The following RPRD2 variants were observed in gnomAD, a reference collection of about 807,000 sequenced individuals.
RPRD2 encodes regulation of nuclear pre-mRNA domain containing 2.
In RPRD2, 12 loss-of-function variants were observed where a neutral mutation model predicts 104.4. The ratio of observed to expected loss-of-function variants is 0.11; its 90% confidence interval spans 0.07 to 0.19. The LOEUF (loss-of-function observed/expected upper bound fraction) is 0.19. RPRD2 is among the 10% of genes least tolerant of loss of function. The probability of loss-of-function intolerance (pLI) is 1.00; values close to 1 mark genes in which losing one functional copy is unlikely to be tolerated. For missense variants in RPRD2, 1,543 were observed against 1,790.1 expected (o/e 0.86, Z 2.49); for synonymous variants, 714 against 684.9 (o/e 1.04, Z -0.66).
In RPRD2 at chr1:150,473,433, T is replaced by G; in HGVS notation, c.*99T>G. The G allele has an allele frequency of 8.2e-7, 1 of 1,224,846 alleles. No homozygotes were observed. Among genetic ancestry groups the G allele is most frequent in the Non-Finnish European group, 1.1e-6 (1 of 895,050 alleles). The allele number at this position is 1,224,846 out of a possible 1,614,324, so 75.9% of individuals were successfully genotyped here. ...TTTTATTTGTTTTCTCTTTCTCGAT[T>G]TTTTTTTTATTATAACAAAGGGCCT... is the stretch of plus-strand genomic sequence containing the variant. On this transcript the variant is annotated 3_prime_UTR_variant, in exon 11 of 11. Coordinates refer to ENST00000369068, the MANE Select transcript of RPRD2 (RefSeq NM_015203.5).
At chr1:150,439,869 G>GTT (rs149319756) in intron 2 of RPRD2, among the ~76,000 whole-genome samples, 28 of 151,896 alleles carry the variant, frequency 1.8e-4, no homozygotes, top group Non-Finnish European at 3.2e-4. Context: ...TTCCTGCATT[G>GTT]TTTTTTATTT....
chr1:150,421,202 G>A (rs1162714142), intron 2 of RPRD2, among the ~76,000 whole-genome samples: 1 of 152,164 alleles, frequency 6.6e-6, no homozygotes, highest in Admixed American at 6.5e-5. Flanking sequence ...TACAAAATCA[G>A]TAGCTTTCCT....
rs1570814057 is a variant in RPRD2 at position 150,474,214 on chromosome 1, C to T, written c.*880C>T. ...CAGTCACTACAGTTGACTATTGATA[C>T]AAAGGTGCAACAGAAATATTATCCC... On this transcript the variant is annotated 3_prime_UTR_variant, in exon 11 of 11. Coordinates refer to ENST00000369068, the MANE Select transcript of RPRD2 (RefSeq NM_015203.5). 1 of 152,126 alleles carries T rather than the reference C, an allele frequency of 6.6e-6. No individual in the cohort carries two copies. Among genetic ancestry groups the T allele is most frequent in the Non-Finnish European group, 1.5e-5 (1 of 68,024 alleles). The allele number at this position is 152,126 out of a possible 1,614,324, so 9.4% of individuals were successfully genotyped here.
chr1:150,453,943 C>A (rs1459201703), intron 7 of RPRD2, among the ~76,000 whole-genome samples: 2 of 152,172 alleles, frequency 1.3e-5, no homozygotes, highest in African/African-American at 4.8e-5. Context: ...CCTTGTTCCA[C>A]CTCTGGTTCA....
intron 1 of RPRD2, among the ~76,000 whole-genome samples, chr1:150,373,948 C>T (rs1553879006): frequency 6.6e-6 from 1 of 152,150 alleles, no homozygotes; most frequent in Admixed American, 6.6e-5. Context: ...TATTTGGTCT[C>T]TGTCCCATTT....
intron 5 of RPRD2, among the ~76,000 whole-genome samples, chr1:150,443,833 G>A (rs1179574542): frequency 1.4e-5 from 2 of 146,074 alleles, no homozygotes; most frequent in African/African-American, 5.1e-5. Context: ...GTGAAACCCC[G>A]TCTCTACTAA....
chr1:150,456,883 C>A (rs747784690), intron 7 of RPRD2, among the ~76,000 whole-genome samples: 7 of 151,358 alleles, frequency 4.6e-5, no homozygotes, highest in Non-Finnish European at 1.0e-4. Context: ...TATGATCATG[C>A]CACTGCACTG....
chr1:150,419,976 G>A (rs1664646558), intron 2 of RPRD2, among the ~76,000 whole-genome samples: 1 of 152,136 alleles, frequency 6.6e-6, no homozygotes, highest in Non-Finnish European at 1.5e-5. Context: ...GGAGAGATTA[G>A]GTAAATTGCC....
chr1:150,408,390 G>T (rs1424698717), intron 1 of RPRD2, among the ~76,000 whole-genome samples: 3 of 152,052 alleles, frequency 2.0e-5, no homozygotes, highest in Middle Eastern at 3.4e-3. Flanking sequence ...CTGACCTCAG[G>T]TGATCTATCC....
chr1:150,419,721 A>C (rs1320307694), intron 2 of RPRD2, among the ~76,000 whole-genome samples: 1 of 152,124 alleles, frequency 6.6e-6, no homozygotes, highest in Admixed American at 6.6e-5. Context: ...TCCTGGGTTC[A>C]AGCAATTAGG....
chr1:150,388,612 T>A (rs963098041), intron 1 of RPRD2, among the ~76,000 whole-genome samples: 6 of 144,184 alleles, frequency 4.2e-5, no homozygotes, highest in African/African-American at 1.4e-4. Flanking sequence ...AATATTGATA[T>A]GTAATTTTTT....
chr1:150,380,806 T>A (rs1160594224), intron 1 of RPRD2, among the ~76,000 whole-genome samples: 1 of 151,998 alleles, frequency 6.6e-6, no homozygotes, highest in Non-Finnish European at 1.5e-5. Context: ...AGGTGCTCGC[T>A]ACCACGTCCA....
rs373089873 is a variant in RPRD2, at chr1:150,472,474, G to C, written c.3526G>C (p.Glu1176Gln). ...CAAGGAACGGGCACCTCAATTTCAG[G>C]AGAGTGTCGGCAGCTTTCGTTCCAA... is the stretch of plus-strand genomic sequence containing the variant. Reference protein sequence around the residue: ...PYKERAPQFQESVGSFRSNSF... With the variant: ...PYKERAPQFQQSVGSFRSNSF... Residue 1176 changes from glutamate to glutamine, a missense_variant, in exon 11 of 11, where the codon GAG (glutamate) becomes CAG (glutamine). By Grantham distance (29) the Glu-to-Gln change is conservative (BLOSUM62 2). Transcript: ENST00000369068. 9 of 1,613,946 alleles carry C rather than the reference G, an allele frequency of 5.6e-6. No individual in the cohort carries two copies. Among genetic ancestry groups the C allele is most frequent in the Non-Finnish European group, 7.6e-6 (9 of 1,179,880 alleles).
chr1:150,460,420 T>C, intron 9 of RPRD2, 103 bp downstream of exon 9: 1 of 1,053,856 alleles, frequency 9.5e-7, no homozygotes, highest in East Asian at 2.7e-5. Context: ...GTTGTTGTTG[T>C]TTAGACAGAG....
chr1:150,377,067 T>A (rs1462731373), intron 1 of RPRD2, among the ~76,000 whole-genome samples: 2 of 150,998 alleles, frequency 1.3e-5, no homozygotes, highest in Non-Finnish European at 3.0e-5. Flanking sequence ...AAAAATTAGC[T>A]GAGCGTGGTG....
intron 7 of RPRD2, among the ~76,000 whole-genome samples, chr1:150,454,453 C>T (rs1202276228): frequency 6.6e-6 from 1 of 152,068 alleles, no homozygotes; most frequent in Non-Finnish European, 1.5e-5. Context: ...GTGTATCTGG[C>T]TTTTCTACTT....
At position 150,460,153 on chromosome 1, in the gene RPRD2, G is replaced by A. The variant is rs1553898506; in HGVS notation, c.1247G>A (p.Cys416Tyr). ...PTENISKASS[C>Y]TPVPVTMTAT... Reference sequence around the variant, plus strand: ...GAAAATATCTCAAAGGCCTCTTCATGTACCCCAGTGCCTGTGACCATGACA... The same window carrying A: ...GAAAATATCTCAAAGGCCTCTTCATATACCCCAGTGCCTGTGACCATGACA... Residue 416 changes from cysteine to tyrosine, a missense_variant, in exon 9 of 11, where the codon TGT becomes TAT. Cys to Tyr is a radical substitution (Grantham distance 194). Around this residue, in one of 4 missense-constraint regions of RPRD2, gnomAD observed 572 missense variants for 787.3 expected, o/e 0.73. Transcript: ENST00000369068. 1.2e-6 allele frequency: 2 copies of A among 1,613,956 alleles called. No homozygotes were observed. The highest frequency in any genetic ancestry group is 1.7e-5 in the Admixed American group (1 of 60,008).
Position 150,475,410 on chromosome 1 carries a change from T to G in RPRD2, c.*2076T>G, listed in dbSNP as rs1560235725. On this transcript the variant is annotated 3_prime_UTR_variant, in exon 11 of 11. Coordinates refer to ENST00000369068, the MANE Select transcript of RPRD2 (RefSeq NM_015203.5). ...GTAGTGTTTACTTGATAAGGCTCTC[T>G]GACCATTTAATTTTTATCAGAAAAT... 6.6e-6 allele frequency: 1 copy of G among 152,626 alleles called. No individual in the cohort carries two copies. The highest frequency in any genetic ancestry group is 1.5e-5 in the Non-Finnish European group (1 of 68,040). The allele number at this position is 152,626 out of a possible 1,614,324, so 9.5% of individuals were successfully genotyped here.
chr1:150,472,520 A>C lies in RPRD2; in HGVS notation c.3572A>C (p.Glu1191Ala). The C allele has an allele frequency of 6.2e-7, 1 of 1,613,890 alleles. No homozygotes were observed. Reference protein sequence around the residue: ...FRSNSFNSTFEHHLPPSPLEH... With the variant: ...FRSNSFNSTFAHHLPPSPLEH... ...TCCAACAGTTTCAACTCAACATTTG[A>C]GCATCATCTTCCCCCATCCCCCTTG... Residue 1191 changes from glutamate to alanine, a missense_variant, in exon 11 of 11, where the codon GAG becomes GCG. Glu to Ala is a moderately radical substitution (Grantham distance 107, BLOSUM62 -1). Coordinates refer to ENST00000369068, the MANE Select transcript of RPRD2 (RefSeq NM_015203.5).
Sources: allele counts gnomAD v4.1 joint callset (sites outside exome capture counted in the v4.1 genomes callset), GRCh38; gene constraint gnomAD v4.1.1; regional missense constraint gnomAD v4.1.1; transcripts MANE v1.5; gene names NCBI Gene and HGNC (gene_info 2026-07-23, HGNC 2026-07-21).